Variants in CLDN18 observed in about 807,000 individuals in gnomAD.
The protein encoded by CLDN18 is claudin 18, also known as claudin-18.
A neutral mutation model predicts 25.0 loss-of-function variants in CLDN18; 20 were observed. That is an observed-to-expected ratio of 0.80 (90% CI 0.56 to 1.16). The LOEUF is 1.16. CLDN18 is among the 50% of genes most tolerant of loss of function. The probability of loss-of-function intolerance (pLI) is 0.00; values close to 1 mark genes in which losing one functional copy is unlikely to be tolerated. For missense variants in CLDN18, 297 were observed against 345.4 expected (o/e 0.86, Z 1.11); for synonymous variants, 125 against 135.6 (o/e 0.92, Z 0.54).
intron 1 of CLDN18, among the ~76,000 whole-genome samples, chr3:138,016,272 T>A (rs1365634726): frequency 6.6e-6 from 1 of 152,182 alleles, no homozygotes; most frequent in South Asian, 2.1e-4. Context: ...TCTGCATCCT[T>A]TTCCCCTGCC....
intron 3 of CLDN18, among the ~76,000 whole-genome samples, chr3:138,028,652 T>G (rs531514061): frequency 6.6e-6 from 1 of 152,234 alleles, no homozygotes; most frequent in Non-Finnish European, 1.5e-5. Flanking sequence ...AAATACGCAC[T>G]GACATCCTAA....
At chr3:138,001,365 A>C (rs1457317785) in intron 1 of CLDN18, among the ~76,000 whole-genome samples, 2 of 144,282 alleles carry the variant, frequency 1.4e-5, no homozygotes, top group African/African-American at 5.1e-5. Context: ...AACAGCTGTC[A>C]ATATCCCCCC....
At chr3:138,023,017 G>A (rs1942287590) in intron 1 of CLDN18, among the ~76,000 whole-genome samples, 1 of 152,212 alleles carries the variant, frequency 6.6e-6, no homozygotes. Flanking sequence ...CTGATAAACT[G>A]TAGTCTAGAT....
intron 1 of CLDN18, among the ~76,000 whole-genome samples, chr3:138,011,146 T>C (rs1301177600): frequency 6.6e-6 from 1 of 152,192 alleles, no homozygotes; most frequent in Non-Finnish European, 1.5e-5. Context: ...CAAATATGCA[T>C]CATAGCAACT....
chr3:138,018,606 G>A (rs1398881620), intron 1 of CLDN18, among the ~76,000 whole-genome samples: 1 of 152,062 alleles, frequency 6.6e-6, no homozygotes, highest in Non-Finnish European at 1.5e-5. Context: ...AAAGTGCTGG[G>A]ATTACAGGCG....
intron 1 of CLDN18, among the ~76,000 whole-genome samples, chr3:138,004,099 T>A (rs1053676561): frequency 1.3e-5 from 2 of 152,016 alleles, no homozygotes. Context: ...ACTTGAACCC[T>A]GGAGGTGGAG....
In CLDN18 at chr3:138,033,282, G is replaced by A. The variant is rs1942418088; in HGVS notation, c.*2141G>A. The A allele has an allele frequency of 6.6e-6, 1 of 152,256 alleles. No homozygotes were observed. Among genetic ancestry groups the A allele is most frequent in the African/African-American group, 2.4e-5 (1 of 41,462 alleles). The allele number at this position is 152,256 out of a possible 1,614,324, so 9.4% of individuals were successfully genotyped here. ...CACTGCCTCAGTTTGGGTAAAGGAT[G>A]AGCAGACAAGTCAACTAAAGAAAAA... On this transcript the variant is annotated 3_prime_UTR_variant, in exon 5 of 5. Coordinates refer to ENST00000183605, the MANE Select transcript of CLDN18 (RefSeq NM_016369.4).
chr3:138,023,212 C>A (rs187463477), intron 1 of CLDN18, among the ~76,000 whole-genome samples: 1 of 152,286 alleles, frequency 6.6e-6, no homozygotes, highest in East Asian at 1.9e-4. Context: ...CTATGTGAAA[C>A]TTTTAGCGCA....
At chr3:138,001,791 G>A (rs1431807624) in intron 1 of CLDN18, among the ~76,000 whole-genome samples, 1 of 152,068 alleles carries the variant, frequency 6.6e-6, no homozygotes, top group African/African-American at 2.4e-5. Context: ...TTGATCTAAA[G>A]TATACTTACT....
chr3:138,030,853 T>G (rs766998141), intron 4 of CLDN18, 117 bp from the exon 5 acceptor site: 145 of 938,056 alleles, frequency 1.5e-4, no homozygotes, highest in Non-Finnish European at 2.1e-4. Flanking sequence ...CCCGGACTGA[T>G]GGGTTTCCAG....
chr3:138,016,709 T>A (rs2107882038), intron 1 of CLDN18, among the ~76,000 whole-genome samples: 1 of 152,204 alleles, frequency 6.6e-6, no homozygotes, highest in South Asian at 2.1e-4. Context: ...CACCTACATA[T>A]CTGGACCTCA....
upstream of CLDN18, chr3:138,009,868 C>T (rs1422111086): frequency 3.7e-6 from 1 of 271,768 alleles, no homozygotes; most frequent in East Asian, 7.6e-5. Context: ...GTGGTGGGGA[C>T]ACGTCAGCCT....
At position 138,023,655 on chromosome 3, in the gene CLDN18, C is replaced by T. The variant is rs1330262702; in HGVS notation, c.221-3C>T. On this transcript the variant is annotated splice_polypyrimidine_tract_variant and splice_region_variant and intron_variant, in intron 1 of 4. Coordinates refer to ENST00000183605, the MANE Select transcript of CLDN18 (RefSeq NM_016369.4). ...TGCTTGTGTCTTGCCCCTTGTCCCA[C>T]AGCCATGCTGCAGGCAGTGCGAGCC... The T allele has an allele frequency of 6.2e-7, 1 of 1,613,150 alleles. No individual in the cohort carries two copies. Among genetic ancestry groups the T allele is most frequent in the Admixed American group, 1.7e-5 (1 of 59,986 alleles).
chr3:137,999,624 C>T (rs1284159252), intron 1 of CLDN18, among the ~76,000 whole-genome samples: 1 of 152,124 alleles, frequency 6.6e-6, no homozygotes, highest in Non-Finnish European at 1.5e-5. Context: ...CAGATGGGCC[C>T]CTGCACTGGG....
intron 1 of CLDN18, among the ~76,000 whole-genome samples, chr3:138,015,375 G>A (rs946102542): frequency 6.6e-6 from 1 of 152,160 alleles, no homozygotes; most frequent in African/African-American, 2.4e-5. Context: ...TGTGCTTAAC[G>A]AGGAAACTGG....
chr3:137,998,943 C>A, exon 1 of CLDN18: 1 of 1,614,246 alleles, frequency 6.2e-7, no homozygotes, highest in Non-Finnish European at 8.5e-7. Context: ...TTGCTGCCAC[C>A]TGCATGGACC....
At chr3:137,999,626 T>C (rs892487634) in intron 1 of CLDN18, among the ~76,000 whole-genome samples, 1 of 152,168 alleles carries the variant, frequency 6.6e-6, no homozygotes, top group African/African-American at 2.4e-5. Flanking sequence ...GATGGGCCCC[T>C]GCACTGGGGC....
chr3:138,033,438 A>C lies in CLDN18; in HGVS notation c.*2297A>C, dbSNP rs1942420110. ...AATGAGCTCTCCCTTCTACCACCAG[A>C]AAGTCCCTGGTCAGGTCTCAGGTAG... On this transcript the variant is annotated 3_prime_UTR_variant, in exon 5 of 5. Coordinates refer to ENST00000183605, the MANE Select transcript of CLDN18 (RefSeq NM_016369.4). The C allele has an allele frequency of 6.6e-6, 1 of 152,246 alleles. No individual in the cohort carries two copies. The highest frequency in any genetic ancestry group is 1.5e-5 in the Non-Finnish European group (1 of 68,044). 9.4% of individuals were successfully genotyped at this position (152,246 alleles called of 1,614,324 possible).
rs192161007 is a variant in CLDN18, at chr3:138,023,567, T to G, written c.221-91T>G. On this transcript the variant is annotated intron_variant, in intron 1 of 4. Coordinates refer to ENST00000183605, the MANE Select transcript of CLDN18 (RefSeq NM_016369.4). The stretch of plus-strand genomic sequence containing the variant: ...TCTCAGAGGTTTGGTGCAGGTTAGT[T>G]GTGGTTGCTTTGTTTTATTAAACCA... The G allele has an allele frequency of 1.0e-3, 1,365 of 1,303,872 alleles. 4 individuals carry two copies. The highest frequency in any genetic ancestry group is 1.3e-3 in the Non-Finnish European group (1,226 of 930,294). 80.8% of individuals were successfully genotyped at this position (1,303,872 alleles called of 1,614,324 possible).
Sources: allele counts gnomAD v4.1 joint callset (sites outside exome capture counted in the v4.1 genomes callset), GRCh38; gene constraint gnomAD v4.1.1; transcripts MANE v1.5; gene names NCBI Gene and HGNC (gene_info 2026-07-23, HGNC 2026-07-21).